Variants in PIAS2 observed in about 807,000 individuals in gnomAD.
PIAS2 encodes protein inhibitor of activated STAT 2, also known as E3 SUMO-protein ligase PIAS2.
PIAS2 carries 19 observed loss-of-function variants against 69.7 expected under a neutral mutation model. The observed-to-expected ratio is 0.27, with a 90% CI of 0.19 to 0.40. The LOEUF is 0.40. PIAS2 is among the 10% of genes least tolerant of loss of function. The pLI, the probability that PIAS2 is intolerant of heterozygous loss-of-function variation, is 1.00. For synonymous variants in PIAS2, 261 were observed against 263.2 expected, an observed-to-expected ratio of 0.99 and a Z score of 0.08; for missense variants, 624 against 757.0, an observed-to-expected ratio of 0.82 and a Z score of 2.06.
At chr18:46,851,594 C>T (rs941184698) in intron 5 of PIAS2, among the ~76,000 whole-genome samples, 4 of 152,160 alleles carry the variant, frequency 2.6e-5, no homozygotes, top group Non-Finnish European at 5.9e-5. Flanking sequence ...ATCCCACAAG[C>T]CCTACTATGA....
intron 1 of PIAS2, among the ~76,000 whole-genome samples, chr18:46,897,879 T>G (rs1405088205): frequency 6.7e-6 from 1 of 150,080 alleles, no homozygotes; most frequent in Admixed American, 6.6e-5. Flanking sequence ...ATTTTTGGGT[T>G]TTTTTTTTTT....
rs2055090537 is a variant in PIAS2 at position 46,897,540 on chromosome 18, T to C, written c.25-6486A>G. Among the ~76,000 whole-genome samples, 5 of 152,196 alleles carry C rather than the reference T, an allele frequency of 3.3e-5. No individual in the cohort carries two copies. In the South Asian group the frequency reaches 1.0e-3, roughly 32 times the overall value. ...TACTTTAAAAATCACTGATCTCCTT[T>C]AAAGGATGTTAAGGGAAAAATTCAT... On this transcript the variant is annotated intron_variant, in intron 1 of 13. Transcript: ENST00000585916.
chr18:46,871,139 C>T (rs919109565), intron 2 of PIAS2, among the ~76,000 whole-genome samples: 2 of 151,992 alleles, frequency 1.3e-5, no homozygotes, highest in African/African-American at 4.8e-5. Flanking sequence ...CCAGATATTG[C>T]TAAGAAATTA....
Position 46,845,752 on chromosome 18 carries a change from T to C in PIAS2, c.862-913A>G, listed in dbSNP as rs954276986. ...TTTTAAATATTTTTTAATGTTCTTT[T>C]AGATATCTAAATACCCAACTTATGG... On this transcript the variant is annotated intron_variant, in intron 6 of 13. Coordinates refer to ENST00000585916, the MANE Select transcript of PIAS2 (RefSeq NM_004671.5). Among the ~76,000 whole-genome samples, 4 of 152,186 alleles carry C rather than the reference T, an allele frequency of 2.6e-5. No homozygotes were observed. In the South Asian group the frequency reaches 6.2e-4, roughly 24 times the overall value.
At chr18:46,827,673 G>A (rs2043015007) in intron 11 of PIAS2, 1 of 278,666 alleles carries the variant, frequency 3.6e-6, no homozygotes, top group African/African-American at 2.2e-5. Context: ...TTCTCATCTG[G>A]TCTGAGATGC....
chr18:46,823,967 G>A (rs1373659769), intron 11 of PIAS2, among the ~76,000 whole-genome samples: 1 of 152,186 alleles, frequency 6.6e-6, no homozygotes, highest in African/African-American at 2.4e-5. Flanking sequence ...AATGATGGAT[G>A]TAAAAATGTG....
chr18:46,917,463 C>G lies in PIAS2; in HGVS notation c.-118G>C. ...CAGCACCATCCTGCACTGGGCGCCG[C>G]TTAAGACGCCGCGGCCGCCGCCGCT... On this transcript the variant is annotated 5_prime_UTR_variant, in exon 1 of 14. Transcript: ENST00000585916. The G allele has an allele frequency of 4.9e-6, 6 of 1,217,928 alleles. No individual in the cohort carries two copies. Among genetic ancestry groups the G allele is most frequent in the Non-Finnish European group, 6.2e-6 (6 of 973,370 alleles). The allele number at this position is 1,217,928 out of a possible 1,614,324, so 75.4% of individuals were successfully genotyped here.
In PIAS2 at chr18:46,890,580, C is replaced by G; in HGVS notation, c.499G>C (p.Val167Leu). ...AGAAACTGAATTCTCAAACACTTAC[C>G]TAAACTCGTGGGCTTGATGAGAACA... Reference protein sequence around the residue: ...LDVLIKPTSLVQSSIQRFQEK... With the variant: ...LDVLIKPTSLLQSSIQRFQEK... Residue 167 changes from valine (V) to leucine (L), a missense_variant and splice_region_variant, in exon 2 of 14, where the codon GTT becomes CTT. Physicochemically the swap from Val to Leu is conservative, Grantham distance 32. Transcript: ENST00000585916. The G allele has an allele frequency of 6.3e-7, 1 of 1,592,846 alleles. No individual in the cohort carries two copies. Among genetic ancestry groups the G allele is most frequent in the South Asian group, 1.1e-5 (1 of 90,114 alleles).
intron 12 of PIAS2, among the ~76,000 whole-genome samples, chr18:46,820,622 T>C (rs1430785110): frequency 2.0e-5 from 3 of 152,106 alleles, no homozygotes; most frequent in African/African-American, 7.2e-5. Context: ...ATATTCTCCC[T>C]TCACCTGTGA....
chr18:46,806,830 G>A lies in PIAS2; in HGVS notation c.*5603C>T, dbSNP rs943345790. ...ATTCTACAACACGGTAACACTCTTC[G>A]TCACTTAAAATAATTAAGCTTTGAG... On this transcript the variant is annotated 3_prime_UTR_variant, in exon 14 of 14. Coordinates refer to ENST00000585916, the MANE Select transcript of PIAS2 (RefSeq NM_004671.5). 1 of 152,048 alleles carries A rather than the reference G, an allele frequency of 6.6e-6. No homozygotes were observed. Among genetic ancestry groups the A allele is most frequent in the African/African-American group, 2.4e-5 (1 of 41,382 alleles). The allele number at this position is 152,048 out of a possible 1,614,324, so 9.4% of individuals were successfully genotyped here.
intron 2 of PIAS2, among the ~76,000 whole-genome samples, chr18:46,881,373 T>C (rs892766924): frequency 6.6e-6 from 1 of 152,234 alleles, no homozygotes; most frequent in African/African-American, 2.4e-5. Flanking sequence ...AGAAAAACTT[T>C]GGTGTATGTA....
intron 3 of PIAS2, among the ~76,000 whole-genome samples, chr18:46,856,860 T>C (rs1421405062): frequency 6.6e-6 from 1 of 152,108 alleles, no homozygotes; most frequent in Non-Finnish European, 1.5e-5. Flanking sequence ...CCGTTCCCAA[T>C]CCTCGAGCTC....
At chr18:46,825,971 G>A (rs1301638360) in intron 11 of PIAS2, among the ~76,000 whole-genome samples, 2 of 152,144 alleles carry the variant, frequency 1.3e-5, no homozygotes, top group Non-Finnish European at 2.9e-5. Flanking sequence ...ACTGAATTCA[G>A]AATTTTCATT....
Position 46,844,097 on chromosome 18 carries a change from C to A in PIAS2, c.998G>T (p.Ser333Ile). The change falls in exon 8 of 14, where the codon AGT becomes ATT. Residue 333 changes from serine to isoleucine, a missense_variant. This residue lies in a region of PIAS2 where 339 missense variants were observed against 408.8 expected (regional missense o/e 0.83). Transcript: ENST00000585916. Reference protein sequence around the residue: ...IKEKLTADPDSEIATTSLRVS... With the variant: ...IKEKLTADPDIEIATTSLRVS... ...CCGAAGGCTAGTTGTAGCAATTTCA[C>A]TATCAGGATCTGCAGTAAGTTTTTC... 1 of 1,527,988 alleles carries A rather than the reference C, an allele frequency of 6.5e-7. No individual in the cohort carries two copies. Among genetic ancestry groups the A allele is most frequent in the Non-Finnish European group, 8.8e-7 (1 of 1,138,122 alleles). The allele number at this position is 1,527,988 out of a possible 1,614,324, so 94.7% of individuals were successfully genotyped here. A position where few individuals can be genotyped will look rare whatever the true frequency, so the allele number is the denominator to read the frequency against.
chr18:46,846,984 T>C (rs1188043337), intron 5 of PIAS2, 143 bp from the exon 6 acceptor site: 1 of 599,630 alleles, frequency 1.7e-6, no homozygotes, highest in Non-Finnish European at 2.5e-6. Context: ...TTATGATCAT[T>C]ATCAACCCAA....
chr18:46,873,637 T>C (rs1398276459), intron 2 of PIAS2, among the ~76,000 whole-genome samples: 1 of 152,216 alleles, frequency 6.6e-6, no homozygotes, highest in Non-Finnish European at 1.5e-5. Flanking sequence ...GGGTAGCCCA[T>C]ACCTTTGGAA....
chr18:46,870,689 A>G (rs1343704750), intron 2 of PIAS2, among the ~76,000 whole-genome samples: 1 of 150,874 alleles, frequency 6.6e-6, no homozygotes. Context: ...GTAGCAGATC[A>G]AATTGATCAA....
chr18:46,910,932 T>C (rs1224067395), intron 1 of PIAS2, among the ~76,000 whole-genome samples: 7 of 152,184 alleles, frequency 4.6e-5, no homozygotes, highest in Non-Finnish European at 8.8e-5. Flanking sequence ...GAAACAACTA[T>C]TGAAGGCTGT....
chr18:46,818,498 A>C (rs1273267271), intron 12 of PIAS2: 7 of 1,478,584 alleles, frequency 4.7e-6, no homozygotes, highest in Non-Finnish European at 6.3e-6. Flanking sequence ...AATGTTAAGA[A>C]ATGTATTAAA....
Sources: allele counts gnomAD v4.1 joint callset (sites outside exome capture counted in the v4.1 genomes callset), GRCh38; gene constraint gnomAD v4.1.1; regional missense constraint gnomAD v4.1.1; transcripts MANE v1.5; gene names NCBI Gene and HGNC (gene_info 2026-07-23, HGNC 2026-07-21).